HERC1: variants seen among roughly 807,000 people sequenced by gnomAD.
HERC1 encodes the protein HECT and RLD domain containing E3 ubiquitin protein ligase family member 1, also known as probable E3 ubiquitin-protein ligase HERC1.
In HERC1, 160 loss-of-function variants were observed where a neutral mutation model predicts 554.3. That is an observed-to-expected ratio of 0.29 (90% CI 0.25 to 0.33). The LOEUF is 0.33. Ranked by LOEUF, HERC1 falls within the 10% of genes least tolerant of loss-of-function variation. HERC1 has a pLI of 1.00. For synonymous variants in HERC1, 2,175 were observed against 2,131.7 expected, an observed-to-expected ratio of 1.02 and a Z score of -0.56; for missense variants, 4,919 against 5,918.5, an observed-to-expected ratio of 0.83 and a Z score of 5.54.
rs148255834 is a variant in HERC1, at chr15:63,747,886, AAC to A, written c.2220-30_2220-29del. The A allele has an allele frequency of 3.0e-3, 4,496 of 1,519,178 alleles. 8 individuals are homozygous for A. The highest frequency in any genetic ancestry group is 4.7e-3 in the Admixed American group (208 of 44,642). 94.1% of individuals were successfully genotyped at this position (1,519,178 alleles called of 1,614,324 possible). A position where few individuals can be genotyped will look rare whatever the true frequency, so the allele number is the denominator to read the frequency against. Reference sequence around the variant, plus strand: ...AGAAGGACACATAAGAAAATAATAAAACAGTCTTAAAATGAAATTTTTATGCA... The same window carrying A: ...AGAAGGACACATAAGAAAATAATAAAAGTCTTAAAATGAAATTTTTATGCA... On this transcript the variant is annotated intron_variant, in intron 10 of 77. Transcript: ENST00000443617.
At chr15:63,618,819 T>A (rs2067939281) in intron 74 of HERC1, among the ~76,000 whole-genome samples, 1 of 152,254 alleles carries the variant, frequency 6.6e-6, no homozygotes, top group Non-Finnish European at 1.5e-5. Flanking sequence ...TGTATAAGAA[T>A]GTTTGTGATT....
Position 63,624,194 on chromosome 15 carries a change from T to G in HERC1, c.13409A>C (p.Tyr4470Ser). The change falls in exon 72 of 78, where the codon TAT (tyrosine) becomes TCT (serine). Residue 4470 changes from tyrosine to serine, a missense_variant. Transcript: ENST00000443617. ...CCTCTTTACAGTTATCTGAGGTCCA[T>G]AGTTTTTGCCTTGAACCATGGTTTT... is the stretch of plus-strand genomic sequence containing the variant. ...IGKTMVQGKNYGPQITVKRIS... is the reference protein window; with the variant it reads ...IGKTMVQGKNSGPQITVKRIS... The G allele has an allele frequency of 1.2e-6, 2 of 1,613,938 alleles. No individual in the cohort carries two copies. Among genetic ancestry groups the G allele is most frequent in the South Asian group, 1.1e-5 (1 of 91,076 alleles).
At chr15:63,729,023 C>T (rs1031386366) in intron 16 of HERC1, among the ~76,000 whole-genome samples, 7 of 151,914 alleles carry the variant, frequency 4.6e-5, no homozygotes, top group Non-Finnish European at 2.9e-5. Flanking sequence ...CATCCAGTGC[C>T]TTTAAATTAG....
intron 52 of HERC1, among the ~76,000 whole-genome samples, chr15:63,652,069 CTG>C (rs764794804): frequency 1.6e-4 from 24 of 152,000 alleles, no homozygotes; most frequent in Non-Finnish European, 3.1e-4. Context: ...ACAAAAAAAA[CTG>C]TTGAAAATGC....
intron 1 of HERC1, among the ~76,000 whole-genome samples, chr15:63,826,770 T>C (rs1191379710): frequency 9.2e-6 from 1 of 108,608 alleles, no homozygotes; most frequent in Non-Finnish European, 1.8e-5. Context: ...ATTCTTTTAA[T>C]CACTTATCTC....
intron 24 of HERC1, among the ~76,000 whole-genome samples, chr15:63,709,356 T>C (rs1457798368): frequency 6.6e-6 from 1 of 152,078 alleles, no homozygotes; most frequent in Non-Finnish European, 1.5e-5. Flanking sequence ...TTAAAAATTT[T>C]CTAAAAACTA....
chr15:63,658,453 A>G, intron 48 of HERC1, 91 bp downstream of exon 48: 1 of 1,148,900 alleles, frequency 8.7e-7, no homozygotes, highest in East Asian at 2.5e-5. Context: ...AGCTTCTAAA[A>G]TTCTATCTCA....
At chr15:63,737,427 GATAT>G (rs561589959) in intron 12 of HERC1, among the ~76,000 whole-genome samples, 27 of 88,494 alleles carry the variant, frequency 3.1e-4, no homozygotes, top group African/African-American at 1.1e-3. Context: ...CTTTTTTCCA[GATAT>G]ATATATATAT....
intron 1 of HERC1, among the ~76,000 whole-genome samples, chr15:63,798,040 T>C (rs943831446): frequency 3.3e-5 from 5 of 152,176 alleles, no homozygotes; most frequent in Non-Finnish European, 5.9e-5. Flanking sequence ...GTGTTAGAAC[T>C]TGTCAAAACA....
Position 63,756,764 on chromosome 15 carries a change from CATAAAT to C in HERC1, c.1222-22_1222-17del. On this transcript the variant is annotated splice_polypyrimidine_tract_variant and intron_variant, in intron 4 of 77. Transcript: ENST00000443617. This position sits in a 1 kb window ranked among gnomAD's most constrained non-coding sequence, Gnocchi z 5.0. The stretch of plus-strand genomic sequence containing the variant: ...CAGCTTCAATCTATAAACAAAGAAT[CATAAAT>C]ATAAAATACTTCTGTGAGTATCAAA... 6.7e-7 allele frequency: 1 copy of C among 1,493,132 alleles called. No individual in the cohort carries two copies. The highest frequency in any genetic ancestry group is 1.3e-5 in the South Asian group (1 of 79,582). 92.5% of individuals were successfully genotyped at this position (1,493,132 alleles called of 1,614,324 possible).
chr15:63,622,821 C>G lies in HERC1; in HGVS notation c.13682G>C (p.Arg4561Thr), dbSNP rs749753041. Residue 4561 changes from arginine (R) to threonine (T), a missense_variant, in exon 74 of 78, where the codon AGG becomes ACG. Transcript: ENST00000443617. ...CACTTGCTGACTGCCATACCTGTCC[C>G]TATTGTAACCCACTTCTGCGGTGGC... ...PNATAEVGYN[R>T]DRFLFNPSAC... 3.7e-6 allele frequency: 6 copies of G among 1,602,530 alleles called. No individual in the cohort carries two copies. In the Admixed American group the frequency reaches 1.0e-4, roughly 27 times the overall value.
chr15:63,663,660 T>C (rs1247480241), intron 43 of HERC1, among the ~76,000 whole-genome samples: 2 of 152,194 alleles, frequency 1.3e-5, no homozygotes, highest in Non-Finnish European at 2.9e-5. Flanking sequence ...GGTCTTGCTA[T>C]GTGGCCCAGG....
Position 63,689,652 on chromosome 15 carries a change from T to C in HERC1, c.5985A>G (p.Thr1995=), listed in dbSNP as rs1203633039. The C allele has an allele frequency of 6.3e-7, 1 of 1,590,576 alleles. No individual in the cohort carries two copies. The highest frequency in any genetic ancestry group is 8.6e-7 in the Non-Finnish European group (1 of 1,167,198). Residue 1995 remains threonine, a synonymous_variant, in exon 33 of 78, where the codon ACA becomes ACG. Coordinates refer to ENST00000443617, the MANE Select transcript of HERC1 (RefSeq NM_003922.4). The stretch of plus-strand genomic sequence containing the variant: ...TAGCATGTTTGGCCTGAGCAATGGG[T>C]GTCTCCCACATACAATCAGAGAGAA... ...FSLLSDCMWE[T]PIAQAKHAIQ... is the part of the protein sequence containing the mutation.
intron 60 of HERC1, among the ~76,000 whole-genome samples, chr15:63,640,901 G>C (rs2069022650): frequency 6.6e-6 from 1 of 152,080 alleles, no homozygotes; most frequent in Non-Finnish European, 1.5e-5. Flanking sequence ...TCCTTTATAA[G>C]AGAATCCTGG....
At chr15:63,664,372 C>A in intron 43 of HERC1, 98 bp downstream of exon 43, 1 of 1,038,158 alleles carries the variant, frequency 9.6e-7, no homozygotes, top group South Asian at 1.6e-5. Flanking sequence ...AGGGACTGAG[C>A]ACTTAGTATC....
chr15:63,766,269 A>C (rs2075774408), intron 2 of HERC1, among the ~76,000 whole-genome samples: 1 of 151,308 alleles, frequency 6.6e-6, no homozygotes, highest in South Asian at 2.1e-4. Context: ...ATTATATATT[A>C]GTAATTAATT....
In HERC1 at chr15:63,656,230, G is replaced by A. The variant is rs1566978747; in HGVS notation, c.9728C>T (p.Ala3243Val). Residue 3243 changes from alanine (A) to valine (V), a missense_variant, in exon 49 of 78, where the codon GCT becomes GTT. Ala to Val is a moderately conservative substitution (Grantham distance 64, BLOSUM62 0). Transcript: ENST00000443617. ...ACCTCGTGATCGTTCTGAGGTGCTA[G>A]CCATGGCAGAAGGGCTGGTGGAGAG... ...AGLSTSPSAMASTSERSRGGH... is the reference protein window; with the variant it reads ...AGLSTSPSAMVSTSERSRGGH... 6.2e-7 allele frequency: 1 copy of A among 1,613,718 alleles called. No individual in the cohort carries two copies. Among genetic ancestry groups the A allele is most frequent in the Non-Finnish European group, 8.5e-7 (1 of 1,179,760 alleles).
In HERC1 at chr15:63,765,183, A is replaced by T. The variant is rs139330705; in HGVS notation, c.931-992T>A. On this transcript the variant is annotated intron_variant, in intron 2 of 77. Transcript: ENST00000443617. ...AATGCCTATCTACTGAGCGCCAGAG[A>T]AATACATAATTCCACTATTCTGCTC... 8.6e-4 allele frequency among the ~76,000 whole-genome samples: 131 copies of T among 152,288 alleles called. 1 individual carries two copies. Among genetic ancestry groups the T allele is most frequent in the African/African-American group, 2.9e-3 (120 of 41,550 alleles).
Position 63,612,209 on chromosome 15 carries a change from A to G in HERC1, c.14400+42T>C. The G allele has an allele frequency of 6.6e-7, 1 of 1,504,720 alleles. No homozygotes were observed. The highest frequency in any genetic ancestry group is 9.0e-7 in the Non-Finnish European group (1 of 1,110,010). The allele number at this position is 1,504,720 out of a possible 1,614,324, so 93.2% of individuals were successfully genotyped here. A position where few individuals can be genotyped will look rare whatever the true frequency, so the allele number is the denominator to read the frequency against. On this transcript the variant is annotated intron_variant, in intron 77 of 77. Transcript: ENST00000443617. The surrounding 1 kb of genome is among the most constrained non-coding windows in gnomAD (Gnocchi z 5.0). ...TCTCAACAAAAACAACAATGAAGCAATAAGGCAGACATTACAAAGGAAAAA... is the reference window on the plus strand; with the variant it reads ...TCTCAACAAAAACAACAATGAAGCAGTAAGGCAGACATTACAAAGGAAAAA...
Sources: gnomAD v4.1 joint callset for allele counts (sites outside exome capture counted in the v4.1 genomes callset) on GRCh38, gnomAD v4.1.1 for gene constraint, Gnocchi (gnomAD v3.1) non-coding constraint, MANE v1.5 for transcripts, NCBI Gene and HGNC (gene_info 2026-07-23, HGNC 2026-07-21) for gene names.